The following INPP5K variants were observed in gnomAD, a reference collection of about 807,000 sequenced individuals.
INPP5K encodes the protein inositol polyphosphate 5-phosphatase K.
Under a neutral mutation model 53.5 loss-of-function variants are expected in INPP5K, and 35 were observed. The observed-to-expected ratio is 0.65, with a 90% CI of 0.50 to 0.87. The LOEUF is 0.87. INPP5K is among the 40% of genes least tolerant of loss of function. The probability of loss-of-function intolerance (pLI) is 0.00; values close to 1 mark genes in which losing one functional copy is unlikely to be tolerated. For synonymous variants in INPP5K, 253 were observed against 232.8 expected, an observed-to-expected ratio of 1.09 and a Z score of -0.79; for missense variants, 550 against 586.2, an observed-to-expected ratio of 0.94 and a Z score of 0.64.
chr17:1,509,269 A>T lies in INPP5K; in HGVS notation c.463T>A (p.Ser155Thr). 1 of 1,614,006 alleles carries T rather than the reference A, an allele frequency of 6.2e-7. No homozygotes were observed. Among genetic ancestry groups the T allele is most frequent in the Middle Eastern group, 1.7e-4 (1 of 6,058 alleles). The change falls in exon 5 of 12, where the codon TCC (serine) becomes ACC (threonine). Residue 155 changes from serine to threonine, a missense_variant. By Grantham distance (58) the Ser-to-Thr change is moderately conservative. Transcript: ENST00000421807. ...IINCHLPPHISNNYQRLEHFD... is the reference protein window; with the variant it reads ...IINCHLPPHITNNYQRLEHFD... ...TGCTCCAGCCGCTGGTAATTGTTGG[A>T]AATGTGGGGAGGCAGGTGGCAGTTG... is the stretch of plus-strand genomic sequence containing the variant.
At chr17:1,506,865 A>G in intron 7 of INPP5K, 115 bp downstream of exon 7, 1 of 700,284 alleles carries the variant, frequency 1.4e-6, no homozygotes, top group Non-Finnish European at 2.5e-6. Context: ...TGGAGAGGGG[A>G]TGACTAGACC....
chr17:1,496,374 A>C lies in INPP5K; in HGVS notation c.1130T>G (p.Val377Gly), dbSNP rs949200099. The change falls in exon 10 of 12, where the codon GTG becomes GGG. Residue 377 changes from valine to glycine, a missense_variant. Transcript: ENST00000421807. ...GCTGTCCCCGACCCAGGCATAGGAC[A>C]CGTAGTCATTAACGTCCCGCAGCCC... ...KVGLRDVNDY[V>G]SYAWVGDSKV... 1.3e-6 allele frequency: 2 copies of C among 1,565,008 alleles called. No individual in the cohort carries two copies. The highest frequency in any genetic ancestry group is 4.7e-5 in the East Asian group (2 of 42,424).
intron 7 of INPP5K, 105 bp from the exon 8 acceptor site, chr17:1,498,227 A>T (rs1450911320): frequency 3.1e-6 from 3 of 980,652 alleles, no homozygotes; most frequent in Non-Finnish European, 4.5e-6. Flanking sequence ...TAACTCCAGC[A>T]ACTACTGGCA....
intron 7 of INPP5K, among the ~76,000 whole-genome samples, chr17:1,502,228 A>G (rs1383365182): frequency 1.3e-5 from 2 of 152,144 alleles, no homozygotes; most frequent in Non-Finnish European, 2.9e-5. Context: ...GGGCGCCTGT[A>G]GTCCCAGCTA....
At chr17:1,503,225 T>C (rs1285757984) in intron 7 of INPP5K, among the ~76,000 whole-genome samples, 2 of 133,618 alleles carry the variant, frequency 1.5e-5, no homozygotes, top group African/African-American at 2.9e-5. Context: ...GCTCTGTCAC[T>C]CAGGCTGGAG....
At chr17:1,513,046 T>C (rs2075344867) in intron 3 of INPP5K, among the ~76,000 whole-genome samples, 1 of 152,222 alleles carries the variant, frequency 6.6e-6, no homozygotes, top group South Asian at 2.1e-4. Context: ...ACATATATAC[T>C]ATAAAGAGCT....
At chr17:1,515,219 T>A (rs1054720190) in intron 1 of INPP5K, among the ~76,000 whole-genome samples, 22 of 152,194 alleles carry the variant, frequency 1.4e-4, no homozygotes, top group African/African-American at 5.3e-4. Context: ...AAGGAGTTTT[T>A]AAGTAACAGG....
intron 7 of INPP5K, among the ~76,000 whole-genome samples, chr17:1,504,559 G>A (rs1402724947): frequency 3.9e-5 from 6 of 152,202 alleles, no homozygotes; most frequent in Non-Finnish European, 7.3e-5. Context: ...AAGCAGTACC[G>A]AAGGCTCATG....
At chr17:1,515,987 G>A in intron 1 of INPP5K, 8 of 995,142 alleles carry the variant, frequency 8.0e-6, no homozygotes, top group Non-Finnish European at 9.6e-6. Flanking sequence ...CTAAGTGGGC[G>A]ATTAGCGTTG....
chr17:1,508,554 A>C (rs56157500), intron 5 of INPP5K: 70,668 of 338,106 alleles, frequency 0.21, 8,666 homozygotes, highest in South Asian at 0.32. Flanking sequence ...ACCTGTTCCC[A>C]AGTGTTCAGG....
At chr17:1,497,833 C>A in intron 8 of INPP5K, 103 bp downstream of exon 8, 1 of 1,070,226 alleles carries the variant, frequency 9.3e-7, no homozygotes, top group Non-Finnish European at 1.4e-6. Context: ...CCACAGGTCT[C>A]CCCTGGGGGA....
At chr17:1,501,919 CA>C (rs1262055780) in intron 7 of INPP5K, among the ~76,000 whole-genome samples, 7 of 151,718 alleles carry the variant, frequency 4.6e-5, no homozygotes, top group African/African-American at 1.7e-4. Flanking sequence ...CCTGTAACCC[CA>C]GCTACTCAGG....
At position 1,498,061 on chromosome 17, in the gene INPP5K, AG is replaced by A; in HGVS notation, c.837del (p.Cys280ValfsTer18). ...GGTATGGGAGTGTCGGGGCCAGCAC[AG>A]GGCTGCCGCTTCAGCCTCCACAGGA... ...DRILWRLKRQ[P>X]CAGPDTPIPP... On this transcript the variant is annotated frameshift_variant, in exon 8 of 12. Transcript: ENST00000421807. LOFTEE classifies it high-confidence loss of function. 2 of 1,614,012 alleles carry A rather than the reference AG, an allele frequency of 1.2e-6. No homozygotes were observed. The highest frequency in any genetic ancestry group is 2.7e-5 in the African/African-American group (2 of 75,038).
intron 7 of INPP5K, 21 bp downstream of exon 7, chr17:1,506,959 G>A: frequency 6.5e-7 from 1 of 1,550,072 alleles, no homozygotes; most frequent in African/African-American, 1.4e-5. Flanking sequence ...TAGACCTTCT[G>A]GCCCCCCACT....
At chr17:1,508,261 T>C in intron 5 of INPP5K, 35 bp from the exon 6 acceptor site, 1 of 1,532,318 alleles carries the variant, frequency 6.5e-7, no homozygotes, top group Non-Finnish European at 9.0e-7. Context: ...TGAGGATTTG[T>C]GATGAAGTCG....
At chr17:1,506,748 T>C (rs79963031) in intron 7 of INPP5K, among the ~76,000 whole-genome samples, 26,470 of 149,794 alleles carry the variant, frequency 0.18, 2,463 homozygotes, top group Non-Finnish European at 0.2. Context: ...CCCCACCCCC[T>C]ACACACCTCT....
chr17:1,504,881 G>A (rs1598377389), intron 7 of INPP5K, among the ~76,000 whole-genome samples: 1 of 152,308 alleles, frequency 6.6e-6, no homozygotes, highest in East Asian at 1.9e-4. Flanking sequence ...CGATGGGCTT[G>A]AGGAAAGTAC....
chr17:1,507,371 G>A (rs774173136), intron 6 of INPP5K: 30 of 415,744 alleles, frequency 7.2e-5, no homozygotes, highest in Non-Finnish European at 1.2e-4. Context: ...CTCTAGGGGA[G>A]ATCACTAGCA....
chr17:1,508,781 G>GTCCAGGATGTTTGGGATGTCTCGCCCCT (rs2075227603), intron 5 of INPP5K, among the ~76,000 whole-genome samples: 1 of 127,082 alleles, frequency 7.9e-6, no homozygotes, highest in Non-Finnish European at 1.7e-5. Context: ...CTCACTCGTG[G>GTCCAGGATGTTTGGGATGTCTCGCCCCT]CGGTCAGCTG....
Sources: gnomAD v4.1 joint callset for allele counts (sites outside exome capture counted in the v4.1 genomes callset) on GRCh38, gnomAD v4.1.1 for gene constraint, MANE v1.5 for transcripts, NCBI Gene and HGNC (gene_info 2026-07-23, HGNC 2026-07-21) for gene names.